Variants in RNFT2 observed in about 807,000 individuals in gnomAD.
RNFT2 encodes ring finger protein, transmembrane 2.
A neutral mutation model predicts 53.0 loss-of-function variants in RNFT2; 36 were observed. The ratio of observed to expected loss-of-function variants is 0.68; its 90% CI spans 0.52 to 0.90. The LOEUF is 0.90. Ranked by LOEUF, RNFT2 falls within the 40% of genes least tolerant of loss-of-function variation. The pLI, the probability that RNFT2 is intolerant of heterozygous loss-of-function variation, is 0.00. For synonymous variants in RNFT2, 260 were observed against 253.2 expected (o/e 1.03, Z -0.26); for missense variants, 514 against 585.6 (o/e 0.88, Z 1.26).
At chr12:116,741,006 ACT>A in intron 2 of RNFT2, 28 bp from the exon 3 acceptor site, 4 of 1,597,352 alleles carry the variant, frequency 2.5e-6, no homozygotes, top group Non-Finnish European at 3.4e-6. Flanking sequence ...GTGTTGGGAG[ACT>A]CTGGCTCACC....
intron 7 of RNFT2, among the ~76,000 whole-genome samples, chr12:116,782,604 A>T (rs938166130): frequency 6.6e-6 from 1 of 152,194 alleles, no homozygotes; most frequent in East Asian, 1.9e-4. Context: ...GGGTGGGCGC[A>T]GCATTCCATT....
chr12:116,805,288 G>A (rs1874991709), intron 7 of RNFT2, among the ~76,000 whole-genome samples: 2 of 151,940 alleles, frequency 1.3e-5, no homozygotes, highest in African/African-American at 4.8e-5. Flanking sequence ...AATCTTGATG[G>A]GAGTGCCTCT....
intron 6 of RNFT2, among the ~76,000 whole-genome samples, chr12:116,773,893 AC>A (rs1372306343): frequency 1.3e-5 from 2 of 152,230 alleles, no homozygotes; most frequent in Non-Finnish European, 2.9e-5. Flanking sequence ...GGTAGAAGCA[AC>A]CCAGTGTCTA....
chr12:116,848,667 A>G (rs1877741313), intron 10 of RNFT2, among the ~76,000 whole-genome samples: 1 of 152,132 alleles, frequency 6.6e-6, no homozygotes, highest in Non-Finnish European at 1.5e-5. Context: ...TGTTGCTGCT[A>G]GAAGTGCTTT....
chr12:116,787,377 G>A (rs918285464), intron 7 of RNFT2, among the ~76,000 whole-genome samples: 1 of 152,134 alleles, frequency 6.6e-6, no homozygotes, highest in Non-Finnish European at 1.5e-5. Context: ...GCAGAAAATC[G>A]AGATGTTAAC....
chr12:116,773,545 C>T (rs1238571199), intron 6 of RNFT2, among the ~76,000 whole-genome samples: 5 of 152,194 alleles, frequency 3.3e-5, no homozygotes, highest in Non-Finnish European at 1.5e-5. Flanking sequence ...CAGAGCGCTT[C>T]TGGTTGGCTT....
At chr12:116,782,744 C>T (rs558661471) in intron 7 of RNFT2, among the ~76,000 whole-genome samples, 14 of 152,096 alleles carry the variant, frequency 9.2e-5, no homozygotes, top group African/African-American at 3.4e-4. Flanking sequence ...CCTACCACCC[C>T]CTTTCTCACA....
intron 7 of RNFT2, among the ~76,000 whole-genome samples, chr12:116,821,863 C>CTGGA (rs1876054444): frequency 8.6e-6 from 1 of 116,298 alleles, no homozygotes; most frequent in Non-Finnish European, 1.6e-5. Flanking sequence ...GTCGCCCAGG[C>CTGGA]TGGAGTGCAT....
At chr12:116,791,046 G>T (rs931428574) in intron 7 of RNFT2, among the ~76,000 whole-genome samples, 2 of 152,220 alleles carry the variant, frequency 1.3e-5, no homozygotes, top group African/African-American at 4.8e-5. Flanking sequence ...TCACAGTGTT[G>T]TACAACCACC....
chr12:116,803,291 C>A (rs1874892969), intron 7 of RNFT2, among the ~76,000 whole-genome samples: 2 of 152,116 alleles, frequency 1.3e-5, no homozygotes, highest in African/African-American at 4.8e-5. Flanking sequence ...TTATACTCTC[C>A]CTCCTCTTGT....
chr12:116,755,773 A>G (rs1872481578), intron 5 of RNFT2: 1 of 1,506,364 alleles, frequency 6.6e-7, no homozygotes, highest in African/African-American at 1.4e-5. Context: ...CACCTTTCTT[A>G]TAGATTCACA....
At chr12:116,741,305 T>C (rs1193117612) in intron 3 of RNFT2, among the ~76,000 whole-genome samples, 1 of 152,266 alleles carries the variant, frequency 6.6e-6, no homozygotes, top group Non-Finnish European at 1.5e-5. Flanking sequence ...ACCTGACTCA[T>C]TGTATCAATG....
chr12:116,841,880 TAA>T (rs1276974940), intron 10 of RNFT2, among the ~76,000 whole-genome samples: 46 of 24,804 alleles, frequency 1.9e-3, no homozygotes, highest in African/African-American at 6.7e-3. Flanking sequence ...AATATATATA[TAA>T]ATATATATAA....
chr12:116,794,410 C>T (rs1195836652), intron 7 of RNFT2, among the ~76,000 whole-genome samples: 1 of 151,440 alleles, frequency 6.6e-6, no homozygotes, highest in Admixed American at 6.6e-5. Context: ...CTAGCCTAGC[C>T]AATGTGGCAA....
chr12:116,778,047 G>A (rs1326551178), intron 6 of RNFT2, among the ~76,000 whole-genome samples: 4 of 152,136 alleles, frequency 2.6e-5, no homozygotes, highest in Middle Eastern at 3.4e-3. Flanking sequence ...AGCTTCCCCC[G>A]CTCCTTCATA....
intron 7 of RNFT2, among the ~76,000 whole-genome samples, chr12:116,791,922 C>G (rs1322519359): frequency 6.6e-6 from 1 of 152,266 alleles, no homozygotes; most frequent in East Asian, 1.9e-4. Context: ...AAGAAAGTAG[C>G]CCAAAGCCAC....
chr12:116,740,639 C>A, intron 2 of RNFT2, 118 bp downstream of exon 2: 2 of 925,390 alleles, frequency 2.2e-6, no homozygotes, highest in Non-Finnish European at 3.4e-6. Context: ...GGAATCTGAA[C>A]CCACAGAGGG....
chr12:116,776,717 G>A (rs1258407827), intron 6 of RNFT2, among the ~76,000 whole-genome samples: 1 of 152,144 alleles, frequency 6.6e-6, no homozygotes, highest in African/African-American at 2.4e-5. Flanking sequence ...TCTATGCTGA[G>A]TGTACTTCTC....
chr12:116,749,577 C>T (rs1872075690), intron 3 of RNFT2, among the ~76,000 whole-genome samples: 1 of 152,066 alleles, frequency 6.6e-6, no homozygotes, highest in Non-Finnish European at 1.5e-5. Context: ...ACTGCATCAG[C>T]CCTAACCTCT....
Sources: gnomAD v4.1 joint callset for allele counts (sites outside exome capture counted in the v4.1 genomes callset) on GRCh38, gnomAD v4.1.1 for gene constraint, MANE v1.5 for transcripts, NCBI Gene and HGNC (gene_info 2026-07-23, HGNC 2026-07-21) for gene names.